CDCA7: variants seen among roughly 807,000 people sequenced by gnomAD.
CDCA7 encodes cell division cycle associated 7, also known as cell division cycle-associated protein 7.
CDCA7 carries 28 observed loss-of-function variants against 54.0 expected under a neutral mutation model. That is an observed-to-expected ratio of 0.52 (90% CI 0.38 to 0.71). The LOEUF is 0.71. Ranked by LOEUF, CDCA7 falls within the 30% of genes least tolerant of loss-of-function variation. The pLI, the probability that CDCA7 is intolerant of heterozygous loss-of-function variation, is 0.00. For synonymous variants in CDCA7, 180 were observed against 208.2 expected (o/e 0.86, Z 1.16); for missense variants, 484 against 586.0 (o/e 0.83, Z 1.80).
At position 173,366,464 on chromosome 2, in the gene CDCA7, C is replaced by CTT. The variant is rs1210357326; in HGVS notation, c.1185+33_1185+34dup. 1.3e-5 allele frequency: 21 copies of CTT among 1,607,758 alleles called. No individual in the cohort carries two copies. Among genetic ancestry groups the CTT allele is most frequent in the Non-Finnish European group, 1.8e-5 (21 of 1,175,998 alleles). Reference sequence around the variant, plus strand: ...GCCTGCCAGGGGTTGGTCCTGTGGGCTTGAAGGTCAGCCACAAACTGTGAT... The same window carrying CTT: ...GCCTGCCAGGGGTTGGTCCTGTGGGCTTTTGAAGGTCAGCCACAAACTGTGAT... On this transcript the variant is annotated intron_variant, in intron 8 of 9. Transcript: ENST00000306721. The surrounding 1 kb of genome is among the most constrained non-coding windows in gnomAD (Gnocchi z 4.5).
chr2:173,355,684 C>CCCCCCAG (rs1558946139), intron 1 of CDCA7, among the ~76,000 whole-genome samples: 10 of 148,108 alleles, frequency 6.8e-5, no homozygotes, highest in African/African-American at 2.5e-4. Context: ...CCACCCCCCA[C>CCCCCCAG]CCCCCAGCCT....
intron 1 of CDCA7, chr2:173,356,070 C>A (rs1284864804): frequency 6.6e-6 from 1 of 152,182 alleles, no homozygotes; most frequent in African/African-American, 2.4e-5. Flanking sequence ...AACGATAGCA[C>A]CTTTGTTGCA....
At chr2:173,360,914 CA>C (rs1431759321) in intron 3 of CDCA7, among the ~76,000 whole-genome samples, 5 of 151,832 alleles carry the variant, frequency 3.3e-5, no homozygotes, top group Non-Finnish European at 7.4e-5. Flanking sequence ...TTTATGACCC[CA>C]AAAAATGACT....
rs183305502 is a variant in CDCA7, at chr2:173,366,797, C to T, written c.1186-353C>T. 9.2e-5 allele frequency among the ~76,000 whole-genome samples: 14 copies of T among 152,274 alleles called. No individual in the cohort carries two copies. In the East Asian group the frequency reaches 1.9e-3, roughly 21 times the overall value. Reference sequence around the variant, plus strand: ...TCTTGACCTCGTGATCCACCCGCCTCGGCCTCCTGAAGTGCTGGGATTACA... The same window carrying T: ...TCTTGACCTCGTGATCCACCCGCCTTGGCCTCCTGAAGTGCTGGGATTACA... On this transcript the variant is annotated intron_variant, in intron 8 of 9. Coordinates refer to ENST00000306721, the MANE Select transcript of CDCA7 (RefSeq NM_031942.5). This position sits in a 1 kb window ranked among gnomAD's most constrained non-coding sequence, Gnocchi z 4.5.
In CDCA7 at chr2:173,359,279, A is replaced by G. The variant is rs760707630; in HGVS notation, c.172A>G (p.Ser58Gly). ...GAAACCTAAATTCAGGTCAGATATCAGTGAAGAACTGGCAAATGTTTTTTA... is the reference window on the plus strand; with the variant it reads ...GAAACCTAAATTCAGGTCAGATATCGGTGAAGAACTGGCAAATGTTTTTTA... Reference protein sequence around the residue: ...NTKPKFRSDISEELANVFYED... With the variant: ...NTKPKFRSDIGEELANVFYED... The change falls in exon 3 of 10, where the codon AGT (serine) becomes GGT (glycine). Residue 58 changes from serine (S) to glycine (G), a missense_variant. Physicochemically the swap from Ser to Gly is moderately conservative, Grantham distance 56 (BLOSUM62 0). Coordinates refer to ENST00000306721, the MANE Select transcript of CDCA7 (RefSeq NM_031942.5). 4 of 1,614,016 alleles carry G rather than the reference A, an allele frequency of 2.5e-6. No individual in the cohort carries two copies. In the South Asian group the frequency reaches 4.4e-5, roughly 18 times the overall value.
chr2:173,361,966 G>A (rs1310266868), intron 3 of CDCA7, among the ~76,000 whole-genome samples: 2 of 152,058 alleles, frequency 1.3e-5, no homozygotes, highest in Non-Finnish European at 2.9e-5. Context: ...ACAGGCGTGT[G>A]CCACTGTGCC....
At chr2:173,363,497 C>T in intron 4 of CDCA7, 35 bp downstream of exon 4, 1 of 1,574,408 alleles carries the variant, frequency 6.4e-7, no homozygotes, top group Non-Finnish European at 8.7e-7. Context: ...ATTAATTTTT[C>T]CTCTCTAAGC....
chr2:173,368,059 T>C lies in CDCA7; in HGVS notation c.*395T>C, dbSNP rs1340240576. The C allele has an allele frequency of 5.5e-6, 1 of 182,262 alleles. No homozygotes were observed. Among genetic ancestry groups the C allele is most frequent in the Non-Finnish European group, 1.1e-5 (1 of 87,170 alleles). 11.3% of individuals were successfully genotyped at this position (182,262 alleles called of 1,614,324 possible). A position where few individuals can be genotyped will look rare whatever the true frequency, so the allele number is the denominator to read the frequency against. On this transcript the variant is annotated 3_prime_UTR_variant, in exon 10 of 10. Transcript: ENST00000306721. ...TAATAGTATTAACTAACTAGATCTA[T>C]TGAATTTCAGAGAAGAGCCTTCTAA...
In CDCA7 at chr2:173,363,253, A is replaced by G; in HGVS notation, c.412A>G (p.Arg138Gly). Reference protein sequence around the residue: ...MRLQSVREGCRTRSQCRHSGP... With the variant: ...MRLQSVREGCGTRSQCRHSGP... ...GCTGCAGTCAGTTCGGGAAGGCTGTAGGACCCGCAGCCAGTGCAGGCACTC... is the reference window on the plus strand; with the variant it reads ...GCTGCAGTCAGTTCGGGAAGGCTGTGGGACCCGCAGCCAGTGCAGGCACTC... Residue 138 changes from arginine to glycine, a missense_variant, in exon 4 of 10, where the codon AGG becomes GGG. By Grantham distance (125) the Arg-to-Gly change is moderately radical (BLOSUM62 -2). Around this residue, in one of 3 missense-constraint regions of CDCA7, gnomAD observed 398 missense variants for 447.4 expected, o/e 0.89. Coordinates refer to ENST00000306721, the MANE Select transcript of CDCA7 (RefSeq NM_031942.5). The G allele has an allele frequency of 6.2e-7, 1 of 1,614,188 alleles. No homozygotes were observed. Among genetic ancestry groups the G allele is most frequent in the Non-Finnish European group, 8.5e-7 (1 of 1,180,024 alleles).
intron 3 of CDCA7, 22 bp from the exon 4 acceptor site, chr2:173,363,204 A>G: frequency 3.1e-6 from 5 of 1,610,594 alleles, no homozygotes; most frequent in Non-Finnish European, 4.2e-6. Context: ...TCAAGTCCTA[A>G]TGACTCAATT....
At chr2:173,360,121 A>G (rs568726316) in intron 3 of CDCA7, among the ~76,000 whole-genome samples, 2 of 152,378 alleles carry the variant, frequency 1.3e-5, no homozygotes, top group African/African-American at 2.4e-5. Context: ...CAAAGGAAGC[A>G]GTGCATTCAC....
At position 173,366,354 on chromosome 2, in the gene CDCA7, G is replaced by A. The variant is rs1246798003; in HGVS notation, c.1107G>A (p.Trp369Ter). Residue 369 changes from tryptophan to a stop codon, truncating the protein, a stop_gained, in exon 8 of 10, where the codon TGG (tryptophan) becomes TGA (stop). Coordinates refer to ENST00000306721, the MANE Select transcript of CDCA7 (RefSeq NM_031942.5). LOFTEE classifies it high-confidence loss of function. The surrounding 1 kb of genome is among the most constrained non-coding windows in gnomAD (Gnocchi z 4.5). ...CAAACTGCAGAAACCCAGACTGCTG[G>A]GGCGTTCGAGGCCAGTTCTGTGGCC... The part of the protein sequence containing the change: ...TKTNCRNPDC[W>*]GVRGQFCGPC... 2 of 1,614,082 alleles carry A rather than the reference G, an allele frequency of 1.2e-6. No individual in the cohort carries two copies. Among genetic ancestry groups the A allele is most frequent in the Non-Finnish European group, 1.7e-6 (2 of 1,180,030 alleles).
chr2:173,360,282 G>A (rs1290234205), intron 3 of CDCA7, among the ~76,000 whole-genome samples: 1 of 152,158 alleles, frequency 6.6e-6, no homozygotes, highest in African/African-American at 2.4e-5. Flanking sequence ...GTTGCAGGGG[G>A]TCCAGTCTGC....
In CDCA7 at chr2:173,364,929, G is replaced by GGAGGAA. The variant is rs779058449; in HGVS notation, c.840_845dup (p.Glu280_Glu281dup). ...TTGACGCTCTACCCATGGAGGAGGA[G>GGAGGAA]GAGGAAGAGGATAAGTACATGTTGG... On this transcript the variant is annotated inframe_insertion, in exon 6 of 10. Coordinates refer to ENST00000306721, the MANE Select transcript of CDCA7 (RefSeq NM_031942.5). The GGAGGAA allele has an allele frequency of 6.2e-7, 1 of 1,608,492 alleles. No individual in the cohort carries two copies. The highest frequency in any genetic ancestry group is 1.7e-5 in the Admixed American group (1 of 58,492).
chr2:173,360,847 TTC>T (rs1017423944), intron 3 of CDCA7, among the ~76,000 whole-genome samples: 2 of 152,010 alleles, frequency 1.3e-5, no homozygotes, highest in East Asian at 1.9e-4. Context: ...GATTTTTTTC[TTC>T]TCTCTCTCTT....
chr2:173,367,212 A>T lies in CDCA7; in HGVS notation c.1248A>T (p.Gly416=), dbSNP rs773709573. Residue 416 remains glycine (G), a synonymous_variant, in exon 9 of 10, where the codon GGA becomes GGT. Coordinates refer to ENST00000306721, the MANE Select transcript of CDCA7 (RefSeq NM_031942.5). ...CNCSFCRQRD[G]RCATGVLVYL... is the part of the protein sequence containing the mutation. ...GCAGTTTCTGCCGGCAGCGAGATGG[A>T]CGGTGTGCGACTGGGGTCCTTGTGT... 1 of 1,611,742 alleles carries T rather than the reference A, an allele frequency of 6.2e-7. No homozygotes were observed. The highest frequency in any genetic ancestry group is 1.1e-5 in the South Asian group (1 of 90,280).
chr2:173,354,902 C>A lies in CDCA7; in HGVS notation c.-62C>A. On this transcript the variant is annotated 5_prime_UTR_variant, in exon 1 of 10. The change creates a new upstream start codon in the 5' untranslated region. Coordinates refer to ENST00000306721, the MANE Select transcript of CDCA7 (RefSeq NM_031942.5). Reference sequence around the variant, plus strand: ...TGCTGCTCCTCCTGCTGTGGGACCGCTGACCGCGCGGCTGCTCCGCTCTCC... The same window carrying A: ...TGCTGCTCCTCCTGCTGTGGGACCGATGACCGCGCGGCTGCTCCGCTCTCC... 6.8e-7 allele frequency: 1 copy of A among 1,475,312 alleles called. No homozygotes were observed. The highest frequency in any genetic ancestry group is 8.9e-7 in the Non-Finnish European group (1 of 1,120,528). 91.4% of individuals were successfully genotyped at this position (1,475,312 alleles called of 1,614,324 possible). A position where few individuals can be genotyped will look rare whatever the true frequency, so the allele number is the denominator to read the frequency against.
Position 173,365,028 on chromosome 2 carries a change from A to G in CDCA7, c.894+39A>G, listed in dbSNP as rs79281910. On this transcript the variant is annotated intron_variant, in intron 6 of 9. Coordinates refer to ENST00000306721, the MANE Select transcript of CDCA7 (RefSeq NM_031942.5). Reference sequence around the variant, plus strand: ...ATTGGTACTTGCTCTTCTGATTCTCATCTTCGGTAGGCCTGGCATCATACA... The same window carrying G: ...ATTGGTACTTGCTCTTCTGATTCTCGTCTTCGGTAGGCCTGGCATCATACA... The G allele has an allele frequency of 3.3e-3, 4,985 of 1,524,998 alleles. 132 individuals are homozygous for G. In the African/African-American group the frequency reaches 0.059, roughly 18 times the overall value. The allele number at this position is 1,524,998 out of a possible 1,614,324, so 94.5% of individuals were successfully genotyped here. A position where few individuals can be genotyped will look rare whatever the true frequency, so the allele number is the denominator to read the frequency against.
In CDCA7 at chr2:173,366,016, G is replaced by A. The variant is rs1686713074; in HGVS notation, c.1036-267G>A. 6.6e-6 allele frequency among the ~76,000 whole-genome samples: 1 copy of A among 152,096 alleles called. No homozygotes were observed. The highest frequency in any genetic ancestry group is 2.4e-5 in the African/African-American group (1 of 41,414). Reference sequence around the variant, plus strand: ...ATTTTTATATTTTTAGTGGAGATGGGGTTTTGCCATATTGCCCAGGCTGGT... The same window carrying A: ...ATTTTTATATTTTTAGTGGAGATGGAGTTTTGCCATATTGCCCAGGCTGGT... On this transcript the variant is annotated intron_variant, in intron 7 of 9. Coordinates refer to ENST00000306721, the MANE Select transcript of CDCA7 (RefSeq NM_031942.5). This position sits in a 1 kb window ranked among gnomAD's most constrained non-coding sequence, Gnocchi z 4.5.
Sources: allele counts gnomAD v4.1 joint callset (sites outside exome capture counted in the v4.1 genomes callset), GRCh38; gene constraint gnomAD v4.1.1; regional missense constraint gnomAD v4.1.1; non-coding constraint Gnocchi (gnomAD v3.1); transcripts MANE v1.5; gene names NCBI Gene and HGNC (gene_info 2026-07-23, HGNC 2026-07-21).